SLC2A12: variants seen among roughly 807,000 people sequenced by gnomAD.
SLC2A12 encodes the protein solute carrier family 2, facilitated glucose transporter member 12.
In SLC2A12, 23 loss-of-function variants were observed where a neutral mutation model predicts 41.8. The ratio of observed to expected loss-of-function variants is 0.55; its 90% confidence interval spans 0.40 to 0.78. SLC2A12 has a LOEUF of 0.78. Among genes scored for constraint, SLC2A12 ranks in the 30% least tolerant of loss-of-function variants. The probability of loss-of-function intolerance (pLI) is 0.00; values close to 1 mark genes in which losing one functional copy is unlikely to be tolerated. For missense variants in SLC2A12, 654 were observed against 745.6 expected (o/e 0.88, Z 1.43); for synonymous variants, 295 against 285.9 (o/e 1.03, Z -0.32).
chr6:134,035,318 G>A (rs184595202), intron 1 of SLC2A12, among the ~76,000 whole-genome samples: 4 of 151,912 alleles, frequency 2.6e-5, no homozygotes, highest in East Asian at 3.9e-4. Flanking sequence ...GAACCACTCC[G>A]CCCCAAAGCA....
At chr6:134,012,656 C>T (rs923975835) in intron 2 of SLC2A12, among the ~76,000 whole-genome samples, 1 of 151,670 alleles carries the variant, frequency 6.6e-6, no homozygotes, top group Admixed American at 6.6e-5. Flanking sequence ...ATTTGATAGC[C>T]ATTGTCATCC....
Position 134,028,802 on chromosome 6 carries a change from G to A in SLC2A12, c.1023C>T (p.Val341=), listed in dbSNP as rs755484948. ...CAATGCAGAGGAATGTTTTGCTGCCGACATGGTCTACAAGAAGAGTGGCAG... is the reference window on the plus strand; with the variant it reads ...CAATGCAGAGGAATGTTTTGCTGCCAACATGGTCTACAAGAAGAGTGGCAG... ...TIPATLLVDH[V]GSKTFLCIGS... Residue 341 remains valine (V), a synonymous_variant, in exon 2 of 5, where the codon GTC becomes GTT. Coordinates refer to ENST00000275230, the MANE Select transcript of SLC2A12 (RefSeq NM_145176.3). The A allele has an allele frequency of 1.9e-5, 31 of 1,614,062 alleles. No individual in the cohort carries two copies. Among genetic ancestry groups the A allele is most frequent in the African/African-American group, 1.5e-4 (11 of 74,926 alleles).
chr6:134,009,442 G>T (rs1345595714), intron 2 of SLC2A12, among the ~76,000 whole-genome samples: 1 of 152,078 alleles, frequency 6.6e-6, no homozygotes, highest in Admixed American at 6.6e-5. Context: ...TGATGGCTTG[G>T]TTTATCTAAT....
chr6:134,029,835 G>A (rs1020339405), intron 1 of SLC2A12, 114 bp from the exon 2 acceptor site: 51 of 1,258,824 alleles, frequency 4.1e-5, no homozygotes, highest in African/African-American at 3.6e-4. Context: ...GGGTTTAAAC[G>A]AACACACAAT....
chr6:134,042,547 GA>G lies in SLC2A12; in HGVS notation c.103+9830del, dbSNP rs563614759. ...GAAAGGCTAAGAGAGCCCAGAAATA[GA>G]AAAAAAAAAAAAGTAGAAGAAAAGG... On this transcript the variant is annotated intron_variant, in intron 1 of 4. Coordinates refer to ENST00000275230, the MANE Select transcript of SLC2A12 (RefSeq NM_145176.3). Among the ~76,000 whole-genome samples, 413 of 135,206 alleles carry G rather than the reference GA, an allele frequency of 3.1e-3. 2 individuals are homozygous for G. The highest frequency in any genetic ancestry group is 7.6e-3 in the Middle Eastern group (2 of 264). 88.7% of individuals were successfully genotyped at this position (135,206 alleles called of 152,430 possible). A position where few individuals can be genotyped will look rare whatever the true frequency, so the allele number is the denominator to read the frequency against.
At chr6:134,038,523 C>G (rs865831748) in intron 1 of SLC2A12, among the ~76,000 whole-genome samples, 17 of 150,106 alleles carry the variant, frequency 1.1e-4, no homozygotes, top group African/African-American at 4.1e-4. Flanking sequence ...CACCACACCC[C>G]CTATTTTTGT....
At position 134,019,283 on chromosome 6, in the gene SLC2A12, C is replaced by T. The variant is rs139600276; in HGVS notation, c.1444+9098G>A. On this transcript the variant is annotated intron_variant, in intron 2 of 4. Transcript: ENST00000275230. ...GAGGGCTGGGTTTCTACACAAGTGT[C>T]ACCTCAGATGAACTCATGAAATAAT... Among the ~76,000 whole-genome samples, 1,031 of 152,314 alleles carry T rather than the reference C, an allele frequency of 6.8e-3. 14 individuals carry two copies. The highest frequency in any genetic ancestry group is 0.023 in the African/African-American group (949 of 41,572).
chr6:134,033,087 G>A (rs1350155509), intron 1 of SLC2A12, among the ~76,000 whole-genome samples: 4 of 151,792 alleles, frequency 2.6e-5, no homozygotes, highest in African/African-American at 9.7e-5. Context: ...AACATGTGGG[G>A]CACATTGTGA....
intron 2 of SLC2A12, among the ~76,000 whole-genome samples, chr6:134,019,428 C>T (rs1012398105): frequency 6.6e-6 from 1 of 152,180 alleles, no homozygotes; most frequent in African/African-American, 2.4e-5. Flanking sequence ...GTTGTGAAAG[C>T]TTGAACCATG....
At chr6:133,999,358 T>C (rs1776729493) in intron 4 of SLC2A12, among the ~76,000 whole-genome samples, 1 of 152,170 alleles carries the variant, frequency 6.6e-6, no homozygotes. Context: ...CAAGAAAGAA[T>C]AGGTTTGATA....
intron 1 of SLC2A12, among the ~76,000 whole-genome samples, chr6:134,043,648 A>C (rs2627235): frequency 0.59 from 89,555 of 151,468 alleles, 28,025 homozygotes; most frequent in African/African-American, 0.8. Flanking sequence ...AAAAATTAGC[A>C]AGGTGTGGTG....
intron 1 of SLC2A12, among the ~76,000 whole-genome samples, chr6:134,047,595 C>T (rs576387393): frequency 3.0e-4 from 45 of 152,284 alleles, no homozygotes; most frequent in Middle Eastern, 3.4e-3. Flanking sequence ...AAGCTCTAGA[C>T]CACTAAAGAC....
intron 4 of SLC2A12, among the ~76,000 whole-genome samples, chr6:134,000,607 G>A (rs1451533647): frequency 6.6e-6 from 1 of 152,158 alleles, no homozygotes; most frequent in Non-Finnish European, 1.5e-5. Context: ...ATTTCTAAAT[G>A]GAACGACGTA....
chr6:134,016,274 T>A (rs538537263), intron 2 of SLC2A12, among the ~76,000 whole-genome samples: 2 of 150,346 alleles, frequency 1.3e-5, no homozygotes, highest in South Asian at 2.1e-4. Flanking sequence ...CTAGAAAAAA[T>A]AACAAAAGAA....
At chr6:134,032,025 G>A (rs376105979) in intron 1 of SLC2A12, among the ~76,000 whole-genome samples, 10 of 152,244 alleles carry the variant, frequency 6.6e-5, no homozygotes, top group East Asian at 5.8e-4. Context: ...TTACACACAC[G>A]GTTTTCATAG....
At chr6:133,995,844 T>A (rs947376147) in intron 4 of SLC2A12, among the ~76,000 whole-genome samples, 4 of 152,260 alleles carry the variant, frequency 2.6e-5, no homozygotes, top group African/African-American at 9.6e-5. Context: ...TAACTCATTG[T>A]CAAAGATTAC....
chr6:134,013,170 A>T (rs1776910814), intron 2 of SLC2A12, among the ~76,000 whole-genome samples: 1 of 152,154 alleles, frequency 6.6e-6, no homozygotes, highest in African/African-American at 2.4e-5. Flanking sequence ...TCATGCCTGT[A>T]ATCCTAGCTA....
chr6:134,035,727 A>G (rs577733751), intron 1 of SLC2A12, among the ~76,000 whole-genome samples: 1 of 152,246 alleles, frequency 6.6e-6, no homozygotes, highest in South Asian at 2.1e-4. Context: ...TTCTGTCTCC[A>G]CACTGCGTTG....
At chr6:134,043,119 A>T (rs2811682) in intron 1 of SLC2A12, among the ~76,000 whole-genome samples, 67,435 of 151,988 alleles carry the variant, frequency 0.44, 15,223 homozygotes, top group South Asian at 0.59. Flanking sequence ...AATTCTTAGT[A>T]AAAATCTACA....
Sources: gnomAD v4.1 joint callset for allele counts (sites outside exome capture counted in the v4.1 genomes callset) on GRCh38, gnomAD v4.1.1 for gene constraint, MANE v1.5 for transcripts, NCBI Gene and HGNC (gene_info 2026-07-23, HGNC 2026-07-21) for gene names.